Variants in RNF111 observed in about 807,000 individuals in gnomAD.
The protein encoded by RNF111 is E3 ubiquitin-protein ligase Arkadia.
In RNF111, 17 loss-of-function variants were observed where a neutral mutation model predicts 95.1. That is an observed-to-expected ratio of 0.18 (90% confidence interval 0.12 to 0.27). The LOEUF (loss-of-function observed/expected upper bound fraction) is 0.27. RNF111 is among the 10% of genes least tolerant of loss of function. The pLI is 1.00. For synonymous variants in RNF111, 440 were observed against 414.8 expected (o/e 1.06, Z -0.74); for missense variants, 1,189 against 1,210.4 (o/e 0.98, Z 0.26).
intron 1 of RNF111, among the ~76,000 whole-genome samples, chr15:59,027,376 A>G (rs1275321208): frequency 1.3e-5 from 2 of 151,696 alleles, no homozygotes; most frequent in Non-Finnish European, 2.9e-5. Context: ...TGACTTTTTC[A>G]CTTTTTTTAA....
intron 1 of RNF111, among the ~76,000 whole-genome samples, chr15:59,026,376 A>T (rs1424963431): frequency 6.6e-6 from 1 of 152,132 alleles, no homozygotes; most frequent in Non-Finnish European, 1.5e-5. Flanking sequence ...AGTAATTAGC[A>T]TGCAGTCATC....
At chr15:59,071,745 G>C (rs1424435564) in intron 6 of RNF111, among the ~76,000 whole-genome samples, 1 of 151,894 alleles carries the variant, frequency 6.6e-6, no homozygotes, top group Non-Finnish European at 1.5e-5. Context: ...GAGTGGAAGT[G>C]GAATCTACCC....
At position 59,081,056 on chromosome 15, in the gene RNF111, A is replaced by G. The variant is rs1456054439; in HGVS notation, c.2069A>G (p.His690Arg). The change falls in exon 8 of 14, where the codon CAT becomes CGT. Residue 690 changes from histidine to arginine, a missense_variant. Transcript: ENST00000348370. ...QVDYVIPHPV[H>R]AFHSQISSHA... Reference sequence around the variant, plus strand: ...GATTATGTTATTCCTCATCCTGTACATGCTTTCCATTCTCAAATATCTTCT... The same window carrying G: ...GATTATGTTATTCCTCATCCTGTACGTGCTTTCCATTCTCAAATATCTTCT... 1.2e-6 allele frequency: 2 copies of G among 1,613,926 alleles called. No individual in the cohort carries two copies. The highest frequency in any genetic ancestry group is 1.1e-5 in the South Asian group (1 of 91,078).
rs761870404 is a variant in RNF111 at position 59,058,520 on chromosome 15, AGCAATAGTACCACTG to A, written c.1340_1354del (p.Asn447_Gly451del). On this transcript the variant is annotated inframe_deletion, in exon 5 of 14. Coordinates refer to ENST00000348370, the MANE Select transcript of RNF111 (RefSeq NM_017610.8). ...GTCAGAGACTTCAGCTACTCTTACA[AGCAATAGTACCACTG>A]GCACTTCTATAGGAGGTATGTAAAA... 2.1e-5 allele frequency: 34 copies of A among 1,613,952 alleles called. No individual in the cohort carries two copies. The highest frequency in any genetic ancestry group is 2.6e-5 in the Non-Finnish European group (31 of 1,179,936).
intron 2 of RNF111, among the ~76,000 whole-genome samples, chr15:59,041,558 C>T (rs1051074950): frequency 3.3e-5 from 5 of 151,180 alleles, no homozygotes; most frequent in African/African-American, 1.2e-4. Flanking sequence ...GGGACTCTGT[C>T]TCAAAAGAAA....
chr15:59,030,943 G>C lies in RNF111; in HGVS notation c.121G>C (p.Glu41Gln), dbSNP rs771024059. 3.1e-6 allele frequency: 5 copies of C among 1,614,192 alleles called. No individual in the cohort carries two copies. In the South Asian group the frequency reaches 5.5e-5, roughly 18 times the overall value. Residue 41 changes from glutamate to glutamine, a missense_variant, in exon 2 of 14, where the codon GAG (glutamate) becomes CAG (glutamine). Physicochemically the swap from Glu to Gln is conservative, Grantham distance 29. Coordinates refer to ENST00000348370, the MANE Select transcript of RNF111 (RefSeq NM_017610.8). ...TCTGAAAGGGATCCTTTTGCATCCA[G>C]AGCCCATTGGGGCAGCCAAAAGTTT... is the stretch of plus-strand genomic sequence containing the variant. ...ESLKGILLHP[E>Q]PIGAAKSFPA...
chr15:59,064,022 C>G (rs1166317791), intron 5 of RNF111, among the ~76,000 whole-genome samples: 1 of 152,074 alleles, frequency 6.6e-6, no homozygotes, highest in East Asian at 1.9e-4. Flanking sequence ...GCAAGTAAAG[C>G]TACTGTAATA....
chr15:59,036,600 C>T lies in RNF111; in HGVS notation c.880+4898C>T, dbSNP rs955134332. Among the ~76,000 whole-genome samples, 13 of 152,162 alleles carry T rather than the reference C, an allele frequency of 8.5e-5. 1 individual carries two copies. Among genetic ancestry groups the T allele is most frequent in the Non-Finnish European group, 4.4e-5 (3 of 68,030 alleles). The stretch of plus-strand genomic sequence containing the variant: ...TGCCCCCATGATTCAGTTATCTCTG[C>T]CTGGCCCCACCCTTGGCATGTGGGC... On this transcript the variant is annotated intron_variant, in intron 2 of 13. Coordinates refer to ENST00000348370, the MANE Select transcript of RNF111 (RefSeq NM_017610.8).
chr15:59,026,553 C>T (rs142070424), intron 1 of RNF111, among the ~76,000 whole-genome samples: 2 of 152,166 alleles, frequency 1.3e-5, no homozygotes, highest in African/African-American at 2.4e-5. Flanking sequence ...ATAATTTTTA[C>T]AAAAATAAAA....
intron 8 of RNF111, chr15:59,083,877 T>C (rs201219303): frequency 9.5e-6 from 2 of 211,044 alleles, no homozygotes; most frequent in African/African-American, 2.6e-5. Context: ...TTAAAATTAC[T>C]TTTTCCTTGG....
Position 59,067,452 on chromosome 15 carries a change from T to C in RNF111, c.1686+369T>C, listed in dbSNP as rs56679928. On this transcript the variant is annotated intron_variant, in intron 6 of 13. Coordinates refer to ENST00000348370, the MANE Select transcript of RNF111 (RefSeq NM_017610.8). Reference sequence around the variant, plus strand: ...AAACCAACCCACCTTTCTTTTTTAATTGTGGTGGCTTTGGGAAGAGGAAAA... The same window carrying C: ...AAACCAACCCACCTTTCTTTTTTAACTGTGGTGGCTTTGGGAAGAGGAAAA... Among the ~76,000 whole-genome samples, 1,279 of 152,180 alleles carry C rather than the reference T, an allele frequency of 8.4e-3. 23 individuals are homozygous for C. The highest frequency in any genetic ancestry group is 0.03 in the African/African-American group (1,236 of 41,508).
At chr15:59,000,168 T>C (rs2039260847) in intron 1 of RNF111, among the ~76,000 whole-genome samples, 2 of 72,566 alleles carry the variant, frequency 2.8e-5, no homozygotes, top group African/African-American at 1.3e-4. Flanking sequence ...TTTCCCTTTT[T>C]TTTTTTTTTT....
At chr15:59,033,812 G>A (rs1298147382) in intron 2 of RNF111, among the ~76,000 whole-genome samples, 3 of 151,828 alleles carry the variant, frequency 2.0e-5, no homozygotes, top group South Asian at 4.1e-4. Flanking sequence ...GCAGAATTAC[G>A]TTATTTTTAA....
intron 5 of RNF111, among the ~76,000 whole-genome samples, chr15:59,065,238 A>G (rs1398857801): frequency 2.6e-5 from 4 of 152,166 alleles, no homozygotes; most frequent in Non-Finnish European, 4.4e-5. Context: ...TAATTTAATC[A>G]GAAGCTTCAA....
At chr15:58,999,129 T>A (rs140214024) in intron 1 of RNF111, among the ~76,000 whole-genome samples, 54 of 152,274 alleles carry the variant, frequency 3.5e-4, no homozygotes, top group African/African-American at 1.3e-3. Flanking sequence ...TTCAACTACA[T>A]ATTTGTGTGA....
chr15:59,051,319 C>G (rs2041969970), intron 2 of RNF111, among the ~76,000 whole-genome samples: 1 of 151,772 alleles, frequency 6.6e-6, no homozygotes, highest in Non-Finnish European at 1.5e-5. Context: ...TTAGCTGGGC[C>G]TGGTGGCAGG....
At chr15:59,080,701 A>G (rs978416752) in intron 7 of RNF111, among the ~76,000 whole-genome samples, 1 of 152,094 alleles carries the variant, frequency 6.6e-6, no homozygotes, top group Non-Finnish European at 1.5e-5. Flanking sequence ...ATATAATAGA[A>G]TGTTGTGAAG....
In RNF111 at chr15:59,081,000, C is replaced by G. The variant is rs767587259; in HGVS notation, c.2013C>G (p.Pro671=). 2 of 1,613,946 alleles carry G rather than the reference C, an allele frequency of 1.2e-6. No homozygotes were observed. The highest frequency in any genetic ancestry group is 1.7e-5 in the Admixed American group (1 of 59,988). The change falls in exon 8 of 14, where the codon CCC becomes CCG. Residue 671 remains proline, a synonymous_variant. Coordinates refer to ENST00000348370, the MANE Select transcript of RNF111 (RefSeq NM_017610.8). The stretch of plus-strand genomic sequence containing the variant: ...CCTGCCCGCATTCTCATGGAAACCC[C>G]CCTCCTCAGACTCAGCCTCCGCCTC... ...ASACPHSHGN[P]PPQTQPPPQV... is the part of the protein sequence containing the mutation.
chr15:58,999,411 C>G (rs2039227715), intron 1 of RNF111, among the ~76,000 whole-genome samples: 2 of 152,188 alleles, frequency 1.3e-5, no homozygotes, highest in African/African-American at 4.8e-5. Flanking sequence ...TCTCAGTTCA[C>G]TGCAATCTCC....
Sources: gnomAD v4.1 joint callset for allele counts (sites outside exome capture counted in the v4.1 genomes callset) on GRCh38, gnomAD v4.1.1 for gene constraint, MANE v1.5 for transcripts, NCBI Gene and HGNC (gene_info 2026-07-23, HGNC 2026-07-21) for gene names.